SHROOM4: variants seen among roughly 807,000 people sequenced by gnomAD.
The protein encoded by SHROOM4 is protein Shroom4.
Under a neutral mutation model 80.3 loss-of-function variants are expected in SHROOM4, and 17 were observed. The observed-to-expected ratio is 0.21, with a 90% confidence interval of 0.14 to 0.32. SHROOM4 has a LOEUF of 0.32. SHROOM4 is among the 10% of genes least tolerant of loss of function. SHROOM4 has a pLI of 1.00. For missense variants in SHROOM4, 993 were observed against 1,140.3 expected (o/e 0.87, Z 1.86); for synonymous variants, 400 against 437.5 (o/e 0.91, Z 1.07).
intron 1 of SHROOM4, among the ~76,000 whole-genome samples, chrX:50,727,101 T>G (rs1934257396): frequency 8.8e-6 from 1 of 113,022 alleles, no homozygotes; most frequent in Admixed American, 9.3e-5. Context: ...GGAGATTGTT[T>G]TGGAGCTTTA....
In SHROOM4 at chrX:50,786,463, T is replaced by C. The variant is rs782652773; in HGVS notation, c.117+27439A>G. The stretch of plus-strand genomic sequence containing the variant: ...GTGCTCCAACCTTTTTTGTGGGGGA[T>C]GCACAAAGGACTGGTTTATGTCTTG... On this transcript the variant is annotated intron_variant, in intron 1 of 8. Coordinates refer to ENST00000376020, the MANE Select transcript of SHROOM4 (RefSeq NM_020717.5). Among the ~76,000 whole-genome samples the C allele has an allele frequency of 1.9e-4, 21 of 112,059 alleles. 1 individual carries two copies. Among genetic ancestry groups the C allele is most frequent in the Admixed American group, 4.7e-4 (5 of 10,596 alleles).
chrX:50,758,387 T>C (rs1264660252), intron 1 of SHROOM4, among the ~76,000 whole-genome samples: 2 of 112,120 alleles, frequency 1.8e-5, no homozygotes, highest in Non-Finnish European at 3.8e-5. Flanking sequence ...GGAAATTCCC[T>C]TCTATTCCTA....
intron 1 of SHROOM4, among the ~76,000 whole-genome samples, chrX:50,706,671 A>G: frequency 8.9e-6 from 1 of 111,993 alleles, no homozygotes; most frequent in South Asian, 3.7e-4. Flanking sequence ...ATTGCTATTC[A>G]TGATCCTTAA....
At chrX:50,781,297 T>C (rs1935621510) in intron 1 of SHROOM4, among the ~76,000 whole-genome samples, 1 of 111,389 alleles carries the variant, frequency 9.0e-6, no homozygotes, top group African/African-American at 3.3e-5. Flanking sequence ...CCAGTCAAGT[T>C]GACACAAAAT....
chrX:50,577,056 T>G, the SHROOM4 span, among the ~76,000 whole-genome samples: 2 of 112,444 alleles, frequency 1.8e-5, no homozygotes, highest in African/African-American at 6.5e-5. Flanking sequence ...TGTTCCCAAA[T>G]TCGTTCTTTT....
intron 2 of SHROOM4, among the ~76,000 whole-genome samples, chrX:50,659,667 G>T (rs1430467494): frequency 8.9e-6 from 1 of 112,153 alleles, no homozygotes; most frequent in Non-Finnish European, 1.9e-5. Context: ...ACAGTTTGTT[G>T]TTTATCCCTG....
downstream of SHROOM4, among the ~76,000 whole-genome samples, chrX:50,582,633 C>A (rs188677265): frequency 1.8e-5 from 2 of 111,943 alleles, no homozygotes; most frequent in Admixed American, 1.9e-4. Context: ...GGTTTTAAGT[C>A]ATCCTCATAA....
Position 50,635,679 on chromosome X carries a change from C to T in SHROOM4, c.405-11G>A, listed in dbSNP as rs782150907. The T allele has an allele frequency of 2.5e-6, 3 of 1,203,114 alleles. No homozygotes were observed. Among genetic ancestry groups the T allele is most frequent in the Admixed American group, 2.2e-5 (1 of 45,567 alleles). On this transcript the variant is annotated splice_polypyrimidine_tract_variant and intron_variant, in intron 3 of 8. Coordinates refer to ENST00000376020, the MANE Select transcript of SHROOM4 (RefSeq NM_020717.5). ...TGCACACACACGTCACTGTAAGACA[C>T]AGGGCATACTGGTTAGTTAGCGAAG...
chrX:50,658,841 G>C (rs1932402119), intron 2 of SHROOM4, among the ~76,000 whole-genome samples: 1 of 111,580 alleles, frequency 9.0e-6, no homozygotes, highest in South Asian at 3.8e-4. Context: ...GCAGGATACT[G>C]CATCCATGTT....
At chrX:50,654,749 T>C (rs1932241656) in intron 2 of SHROOM4, among the ~76,000 whole-genome samples, 1 of 109,881 alleles carries the variant, frequency 9.1e-6, no homozygotes, top group African/African-American at 3.3e-5. Context: ...CTTCTATGAG[T>C]TTGATGTTTT....
the SHROOM4 span, among the ~76,000 whole-genome samples, chrX:50,576,621 T>TTG: frequency 1.5e-4 from 16 of 110,245 alleles, no homozygotes; most frequent in African/African-American, 4.9e-4. Flanking sequence ...GTGTGTGTGT[T>TTG]TGTGTGTGTG....
intron 1 of SHROOM4, among the ~76,000 whole-genome samples, chrX:50,703,220 T>C (rs1485061765): frequency 8.9e-6 from 1 of 111,990 alleles, no homozygotes; most frequent in Non-Finnish European, 1.9e-5. Flanking sequence ...ATGATTTGAT[T>C]CCATTTTTAA....
chrX:50,781,063 G>A (rs1935616473), intron 1 of SHROOM4, among the ~76,000 whole-genome samples: 1 of 111,306 alleles, frequency 9.0e-6, no homozygotes, highest in African/African-American at 3.3e-5. Context: ...GGCAGGAGAA[G>A]ATGGATGCCC....
At position 50,590,360 on chromosome X, in the gene SHROOM4, C is replaced by A. The variant is rs370745742; in HGVS notation, c.*6335G>T. On this transcript the variant is annotated 3_prime_UTR_variant, in exon 9 of 9. Coordinates refer to ENST00000376020, the MANE Select transcript of SHROOM4 (RefSeq NM_020717.5). ...CTCCTGGGTTCACGCCATTCTCCTG[C>A]CTCAGCCTCCCGACTAGCTGGGACT... Among the ~76,000 whole-genome samples the A allele has an allele frequency of 1.1e-4, 12 of 111,272 alleles. No individual in the cohort carries two copies. The East Asian group carries it at 3.4e-3, about 32-fold the overall frequency.
At chrX:50,697,157 T>A (rs151030604) in intron 1 of SHROOM4, among the ~76,000 whole-genome samples, 1,156 of 111,932 alleles carry the variant, frequency 0.01, 7 homozygotes, top group Middle Eastern at 0.018. Context: ...GTCTACAGCT[T>A]GTTTATCAAC....
rs782818591 is a variant in SHROOM4, at chrX:50,801,232, G to C, written c.117+12670C>G. On this transcript the variant is annotated intron_variant, in intron 1 of 8. Transcript: ENST00000376020. ...AAAGGAGGGAAGGGGAGAGGGAGAA[G>C]GAGGGAGGGAAGGAGAGAGAGAGAA... Among the ~76,000 whole-genome samples the C allele has an allele frequency of 4.9e-5, 5 of 102,264 alleles. No homozygotes were observed. In the East Asian group the frequency reaches 1.6e-3, roughly 32 times the overall value. The allele number at this position is 102,264 out of a possible 115,157, so 88.8% of individuals were successfully genotyped here.
At chrX:50,600,932 AG>A (rs1369507849) in intron 7 of SHROOM4, among the ~76,000 whole-genome samples, 2 of 112,060 alleles carry the variant, frequency 1.8e-5, no homozygotes, top group African/African-American at 6.5e-5. Context: ...AAGGATGGCT[AG>A]GGGCCATCTA....
intron 1 of SHROOM4, among the ~76,000 whole-genome samples, chrX:50,758,792 C>A (rs1935091423): frequency 9.0e-6 from 1 of 111,254 alleles, no homozygotes; most frequent in South Asian, 3.8e-4. Context: ...CTCTTTGGAC[C>A]TGGGCTTTTC....
intron 1 of SHROOM4, among the ~76,000 whole-genome samples, chrX:50,711,891 C>T (rs1221279730): frequency 1.8e-5 from 2 of 112,490 alleles, no homozygotes; most frequent in African/African-American, 6.4e-5. Flanking sequence ...GAACTGAAAT[C>T]GTACTATGTG....
Sources: allele counts gnomAD v4.1 joint callset (sites outside exome capture counted in the v4.1 genomes callset), GRCh38; gene constraint gnomAD v4.1.1; transcripts MANE v1.5; gene names NCBI Gene and HGNC (gene_info 2026-07-23, HGNC 2026-07-21).